Variants in CDK6 observed in about 807,000 individuals in gnomAD.
The protein encoded by CDK6 is cyclin-dependent kinase 6.
In CDK6, 6 loss-of-function variants were observed where a neutral mutation model predicts 37.1. That is an observed-to-expected ratio of 0.16 (90% CI 0.09 to 0.32). The LOEUF is 0.32. Ranked by LOEUF, CDK6 falls within the 10% of genes least tolerant of loss-of-function variation. The probability of loss-of-function intolerance (pLI) is 1.00; values close to 1 mark genes in which losing one functional copy is unlikely to be tolerated. For missense variants in CDK6, 224 were observed against 418.9 expected (o/e 0.53, Z 4.06); for synonymous variants, 160 against 161.3 (o/e 0.99, Z 0.06).
At chr7:92,679,064 C>T (rs182554239) in intron 4 of CDK6, among the ~76,000 whole-genome samples, 1 of 152,318 alleles carries the variant, frequency 6.6e-6, no homozygotes, top group East Asian at 1.9e-4. Flanking sequence ...GGTCATAGCA[C>T]CATCCCCTGA....
intron 3 of CDK6, among the ~76,000 whole-genome samples, chr7:92,762,073 C>A (rs1396481412): frequency 6.6e-6 from 1 of 152,126 alleles, no homozygotes; most frequent in Non-Finnish European, 1.5e-5. Context: ...AGATATAAGT[C>A]AACTCATCTT....
intron 3 of CDK6, among the ~76,000 whole-genome samples, chr7:92,765,877 G>A (rs1318003972): frequency 6.6e-6 from 1 of 152,204 alleles, no homozygotes; most frequent in East Asian, 1.9e-4. Context: ...GTAGCTGAGA[G>A]GGTCAGAGAA....
At chr7:92,818,705 G>A (rs1801090324) in intron 2 of CDK6, among the ~76,000 whole-genome samples, 1 of 151,972 alleles carries the variant, frequency 6.6e-6, no homozygotes, top group Non-Finnish European at 1.5e-5. Flanking sequence ...GCTGACAAAA[G>A]ACTGCTCAAG....
At chr7:92,719,523 G>A (rs943969879) in intron 4 of CDK6, among the ~76,000 whole-genome samples, 1 of 151,984 alleles carries the variant, frequency 6.6e-6, no homozygotes, top group Non-Finnish European at 1.5e-5. Flanking sequence ...AGGTAATATG[G>A]AAAAAAAGAT....
At chr7:92,810,145 G>A (rs1205069887) in intron 2 of CDK6, among the ~76,000 whole-genome samples, 1 of 152,158 alleles carries the variant, frequency 6.6e-6, no homozygotes, top group African/African-American at 2.4e-5. Context: ...GTATGTGTGT[G>A]TATATGTATA....
At chr7:92,723,726 T>TA in intron 4 of CDK6, among the ~76,000 whole-genome samples, 1 of 152,288 alleles carries the variant, frequency 6.6e-6, no homozygotes, top group Middle Eastern at 3.4e-3. Flanking sequence ...ATGTTTTACT[T>TA]ATGTCACTAT....
intron 5 of CDK6, among the ~76,000 whole-genome samples, chr7:92,633,161 T>C (rs541389383): frequency 2.0e-5 from 3 of 152,118 alleles, no homozygotes; most frequent in South Asian, 2.1e-4. Context: ...TTATATCTTA[T>C]GGCAGGGAGC....
intron 4 of CDK6, among the ~76,000 whole-genome samples, chr7:92,682,012 C>T (rs1282515037): frequency 6.6e-6 from 1 of 152,206 alleles, no homozygotes; most frequent in East Asian, 1.9e-4. Flanking sequence ...AGCAAAATCG[C>T]TACCTACCCA....
rs1795500729 is a variant in CDK6 at position 92,609,020 on chromosome 7, T to A, written c.*6120A>T. 4.3e-6 allele frequency: 1 copy of A among 233,372 alleles called. No individual in the cohort carries two copies. The highest frequency in any genetic ancestry group is 2.2e-5 in the African/African-American group (1 of 45,454). 14.5% of individuals were successfully genotyped at this position (233,372 alleles called of 1,614,324 possible). On this transcript the variant is annotated 3_prime_UTR_variant, in exon 8 of 8. Coordinates refer to ENST00000424848, the MANE Select transcript of CDK6 (RefSeq NM_001145306.2). ...TCGCATAGGGGCTTTAACTGGACTCTAGTTCCTGGGAGCAGAGGGGCGAAT... is the reference window on the plus strand; with the variant it reads ...TCGCATAGGGGCTTTAACTGGACTCAAGTTCCTGGGAGCAGAGGGGCGAAT...
chr7:92,791,412 A>C (rs1398952788), intron 2 of CDK6, among the ~76,000 whole-genome samples: 1 of 152,154 alleles, frequency 6.6e-6, no homozygotes, highest in East Asian at 1.9e-4. Flanking sequence ...TAATATCCCA[A>C]ATGTGAATAG....
At chr7:92,786,107 T>G (rs1380244817) in intron 2 of CDK6, among the ~76,000 whole-genome samples, 2 of 152,202 alleles carry the variant, frequency 1.3e-5, no homozygotes, top group Non-Finnish European at 2.9e-5. Context: ...TGGACAACTT[T>G]CAACATTTAG....
intron 4 of CDK6, among the ~76,000 whole-genome samples, chr7:92,680,008 C>T (rs1311264661): frequency 6.6e-6 from 1 of 151,592 alleles, no homozygotes; most frequent in East Asian, 1.9e-4. Flanking sequence ...TGTGAGCCAT[C>T]GTGCCCGGCC....
At chr7:92,654,610 G>A (rs183765315) in intron 5 of CDK6, among the ~76,000 whole-genome samples, 16 of 152,090 alleles carry the variant, frequency 1.1e-4, no homozygotes, top group African/African-American at 3.6e-4. Context: ...CTTTTTGCAT[G>A]TATGTGTTTT....
intron 3 of CDK6, among the ~76,000 whole-genome samples, chr7:92,761,076 G>A (rs1050280537): frequency 4.6e-5 from 7 of 151,602 alleles, no homozygotes; most frequent in Admixed American, 3.9e-4. Flanking sequence ...ATATATTAAG[G>A]ATATTAAACC....
rs144832367 is a variant in CDK6, at chr7:92,753,016, T to C, written c.369+21680A>G. Reference sequence around the variant, plus strand: ...GCAAGCCTAATTTATTTACTTTCTCTATATTTTCATATTTAACCAAAGAAA... The same window carrying C: ...GCAAGCCTAATTTATTTACTTTCTCCATATTTTCATATTTAACCAAAGAAA... On this transcript the variant is annotated intron_variant, in intron 3 of 7. Coordinates refer to ENST00000424848, the MANE Select transcript of CDK6 (RefSeq NM_001145306.2). Among the ~76,000 whole-genome samples the C allele has an allele frequency of 6.0e-3, 913 of 152,292 alleles. 10 individuals are homozygous for C. The highest frequency in any genetic ancestry group is 0.021 in the African/African-American group (872 of 41,568).
intron 2 of CDK6, among the ~76,000 whole-genome samples, chr7:92,794,924 T>C (rs1020541087): frequency 3.9e-5 from 6 of 152,080 alleles, no homozygotes; most frequent in Non-Finnish European, 8.8e-5. Flanking sequence ...CATAAAACGA[T>C]TCTGAAGATA....
intron 3 of CDK6, among the ~76,000 whole-genome samples, chr7:92,768,592 A>G (rs1003663185): frequency 1.3e-5 from 2 of 152,226 alleles, no homozygotes; most frequent in African/African-American, 4.8e-5. Context: ...TAGTGCAGCT[A>G]TGATATTAGA....
intron 4 of CDK6, among the ~76,000 whole-genome samples, chr7:92,682,065 T>G (rs1797349847): frequency 6.6e-6 from 1 of 152,176 alleles, no homozygotes; most frequent in Non-Finnish European, 1.5e-5. Flanking sequence ...CACCATCAGA[T>G]CCCGACAATT....
intron 3 of CDK6, among the ~76,000 whole-genome samples, chr7:92,727,796 A>G (rs1473162910): frequency 6.6e-6 from 1 of 152,172 alleles, no homozygotes; most frequent in Admixed American, 6.5e-5. Flanking sequence ...GCCCTTCAAG[A>G]CTTGAGAAGC....
Sources: allele counts gnomAD v4.1 joint callset (sites outside exome capture counted in the v4.1 genomes callset), GRCh38; gene constraint gnomAD v4.1.1; transcripts MANE v1.5; gene names NCBI Gene and HGNC (gene_info 2026-07-23, HGNC 2026-07-21).